NRXN3: variants seen among roughly 807,000 people sequenced by gnomAD.
The protein encoded by NRXN3 is neurexin 3.
In NRXN3, 32 loss-of-function variants were observed where a neutral mutation model predicts 137.6. The observed-to-expected ratio is 0.23, with a 90% CI of 0.18 to 0.31. NRXN3 has a LOEUF of 0.31. Ranked by LOEUF, NRXN3 falls within the 10% of genes least tolerant of loss-of-function variation. NRXN3 has a pLI of 1.00. For missense variants in NRXN3, 1,574 were observed against 2,062.5 expected, an observed-to-expected ratio of 0.76 and a Z score of 4.59; for synonymous variants, 798 against 784.5, an observed-to-expected ratio of 1.02 and a Z score of -0.29.
chr14:79,353,097 C>A lies in NRXN3; in HGVS notation c.3263-114124C>A, dbSNP rs151026868. Among the ~76,000 whole-genome samples, 950 of 152,064 alleles carry A rather than the reference C, an allele frequency of 6.2e-3. 7 individuals are homozygous for A. Among genetic ancestry groups the A allele is most frequent in the African/African-American group, 0.022 (900 of 41,538 alleles). On this transcript the variant is annotated intron_variant, in intron 15 of 20. Transcript: ENST00000335750. The stretch of plus-strand genomic sequence containing the variant: ...TAGTAAGTAAAAGTAGCTATTTTTT[C>A]TCTATGTTATGCAATATTTGGAATC...
intron 4 of NRXN3, among the ~76,000 whole-genome samples, chr14:78,454,553 C>A (rs922020922): frequency 6.6e-6 from 1 of 152,198 alleles, no homozygotes. Context: ...GAACTGCTGT[C>A]TCTCCTGAGA....
intron 16 of NRXN3, among the ~76,000 whole-genome samples, chr14:79,524,951 C>T (rs980786674): frequency 6.6e-6 from 1 of 151,988 alleles, no homozygotes; most frequent in African/African-American, 2.4e-5. Context: ...TCTCTGAGCC[C>T]ACATTCCTTT....
At chr14:79,560,504 C>CTTTTCTTTT (rs536703528) in intron 16 of NRXN3, among the ~76,000 whole-genome samples, 5 of 43,770 alleles carry the variant, frequency 1.1e-4, no homozygotes, top group South Asian at 1.4e-3. Context: ...AGATTGTAAG[C>CTTTTCTTTT]TTTTTTTTTT....
chr14:78,275,786 G>C (rs1168005701), intron 2 of NRXN3, among the ~76,000 whole-genome samples: 1 of 152,140 alleles, frequency 6.6e-6, no homozygotes, highest in African/African-American at 2.4e-5. Flanking sequence ...GTGGGCTAAG[G>C]CTGGGAAGGG....
intron 15 of NRXN3, among the ~76,000 whole-genome samples, chr14:79,034,604 A>G (rs1430208771): frequency 6.6e-6 from 1 of 152,116 alleles, no homozygotes; most frequent in Non-Finnish European, 1.5e-5. Flanking sequence ...AAGTACTAGG[A>G]AAAACAAGGT....
intron 19 of NRXN3, among the ~76,000 whole-genome samples, chr14:79,735,781 G>A (rs113162302): frequency 2.8e-4 from 42 of 152,278 alleles, no homozygotes; most frequent in African/African-American, 1.0e-3. Flanking sequence ...TTTGGAGGAA[G>A]TATTTCTACT....
intron 4 of NRXN3, among the ~76,000 whole-genome samples, chr14:78,407,779 A>G (rs1033145599): frequency 6.6e-6 from 1 of 152,142 alleles, no homozygotes; most frequent in Non-Finnish European, 1.5e-5. Flanking sequence ...CCATTAGTCA[A>G]CGAAGTCGTA....
intron 15 of NRXN3, among the ~76,000 whole-genome samples, chr14:79,180,921 C>G (rs2153128294): frequency 6.6e-6 from 1 of 151,808 alleles, no homozygotes; most frequent in African/African-American, 2.4e-5. Context: ...GAAATATGGT[C>G]AGGAATGAAG....
chr14:79,475,061 CA>C (rs1187004066), intron 16 of NRXN3, among the ~76,000 whole-genome samples: 1 of 152,082 alleles, frequency 6.6e-6, no homozygotes, highest in Non-Finnish European at 1.5e-5. Flanking sequence ...TTGCTAGAAC[CA>C]AAGTCCTAAT....
At chr14:79,711,978 C>G (rs114280446) in intron 19 of NRXN3, among the ~76,000 whole-genome samples, 2 of 152,144 alleles carry the variant, frequency 1.3e-5, no homozygotes, top group Admixed American at 6.5e-5. Flanking sequence ...TTCACCTCCC[C>G]CTTCTGCCCA....
At chr14:79,723,662 C>T (rs2098858823) in intron 19 of NRXN3, among the ~76,000 whole-genome samples, 2 of 152,120 alleles carry the variant, frequency 1.3e-5, no homozygotes, top group Non-Finnish European at 2.9e-5. Context: ...TAAAAGGATA[C>T]ACCCCAGGGT....
chr14:78,978,645 C>T (rs1024432840), intron 14 of NRXN3, among the ~76,000 whole-genome samples: 1 of 149,880 alleles, frequency 6.7e-6, no homozygotes, highest in African/African-American at 2.4e-5. Flanking sequence ...TCAGGAATAC[C>T]CTCTGTATTA....
At chr14:79,708,722 A>C (rs1603444418) in intron 19 of NRXN3, among the ~76,000 whole-genome samples, 2 of 152,240 alleles carry the variant, frequency 1.3e-5, no homozygotes, top group South Asian at 4.1e-4. Flanking sequence ...TTGCCTTTTG[A>C]AACCTTCTAA....
intron 10 of NRXN3, among the ~76,000 whole-genome samples, chr14:78,832,779 A>G (rs555375022): frequency 1.3e-5 from 2 of 152,308 alleles, no homozygotes; most frequent in Admixed American, 1.3e-4. Context: ...GAGTATTCTT[A>G]TCGGTATCCC....
At chr14:79,485,115 G>A (rs1228751666) in intron 16 of NRXN3, among the ~76,000 whole-genome samples, 1 of 151,534 alleles carries the variant, frequency 6.6e-6, no homozygotes, top group East Asian at 1.9e-4. Context: ...TCTAATTAGG[G>A]GTCTTTATAT....
At chr14:78,924,335 A>G (rs917494734) in intron 10 of NRXN3, among the ~76,000 whole-genome samples, 4 of 152,244 alleles carry the variant, frequency 2.6e-5, no homozygotes, top group Admixed American at 6.5e-5. Context: ...TAAGTAGTTT[A>G]TGTGCAAACC....
chr14:79,037,053 A>G (rs1236892197), intron 15 of NRXN3, among the ~76,000 whole-genome samples: 1 of 152,092 alleles, frequency 6.6e-6, no homozygotes, highest in African/African-American at 2.4e-5. Context: ...ATATTTGTTT[A>G]TAATTCACCT....
At chr14:78,998,180 G>A (rs778575482) in intron 15 of NRXN3, among the ~76,000 whole-genome samples, 5 of 152,056 alleles carry the variant, frequency 3.3e-5, no homozygotes, top group East Asian at 1.9e-4. Flanking sequence ...TCATTTTCCC[G>A]GTTATATCAG....
intron 10 of NRXN3, among the ~76,000 whole-genome samples, chr14:78,903,545 A>C (rs2099204669): frequency 6.6e-6 from 1 of 152,106 alleles, no homozygotes; most frequent in Non-Finnish European, 1.5e-5. Flanking sequence ...GAGGTGAAAT[A>C]AAGGAAACAA....
Sources: allele counts gnomAD v4.1 joint callset (sites outside exome capture counted in the v4.1 genomes callset), GRCh38; gene constraint gnomAD v4.1.1; transcripts MANE v1.5; gene names NCBI Gene and HGNC (gene_info 2026-07-23, HGNC 2026-07-21).